The following CNTN5 variants were observed in gnomAD, a reference collection of about 807,000 sequenced individuals.
The protein encoded by CNTN5 is contactin-5.
In CNTN5, 77 loss-of-function variants were observed where a neutral mutation model predicts 129.1. That is an observed-to-expected ratio of 0.60 (90% CI 0.50 to 0.72). CNTN5 has a LOEUF of 0.72. CNTN5 is among the 30% of genes least tolerant of loss of function. The probability of loss-of-function intolerance (pLI) is 0.00; values close to 1 mark genes in which losing one functional copy is unlikely to be tolerated. For missense variants in CNTN5, 1,478 were observed against 1,328.8 expected (o/e 1.11, Z -1.75); for synonymous variants, 509 against 465.6 (o/e 1.09, Z -1.20).
chr11:100,343,300 T>C (rs1259230745), intron 23 of CNTN5, among the ~76,000 whole-genome samples: 2 of 152,218 alleles, frequency 1.3e-5, no homozygotes, highest in Middle Eastern at 3.2e-3. Flanking sequence ...ATGGTTGCAC[T>C]TCCTTATATC....
chr11:99,575,779 A>G (rs1382912055), intron 3 of CNTN5, among the ~76,000 whole-genome samples: 3 of 152,174 alleles, frequency 2.0e-5, no homozygotes, highest in Admixed American at 6.5e-5. Context: ...GCCACCAGAC[A>G]GGAGGAGGTG....
chr11:100,298,425 G>T (rs1951142682), intron 19 of CNTN5, among the ~76,000 whole-genome samples: 1 of 151,244 alleles, frequency 6.6e-6, no homozygotes, highest in Admixed American at 6.6e-5. Context: ...TTCCATGTAA[G>T]CTTTAATATA....
In CNTN5 at chr11:99,072,502, A is replaced by G. The variant is rs540206748; in HGVS notation, c.-210+51232A>G. Among the ~76,000 whole-genome samples, 4 of 152,228 alleles carry G rather than the reference A, an allele frequency of 2.6e-5. No homozygotes were observed. In the East Asian group the frequency reaches 7.7e-4, roughly 29 times the overall value. On this transcript the variant is annotated intron_variant, in intron 1 of 24. Coordinates refer to ENST00000524871, the MANE Select transcript of CNTN5 (RefSeq NM_014361.4). ...TGAAGGACATAATACATATTTGCAT[A>G]TAAAATCCCATTATGTTTAGTAGTT...
chr11:99,298,553 G>A (rs1864486695), intron 1 of CNTN5, among the ~76,000 whole-genome samples: 1 of 152,094 alleles, frequency 6.6e-6, no homozygotes, highest in South Asian at 2.1e-4. Context: ...CTCAAATATA[G>A]AAATACGGAA....
At chr11:99,699,759 C>A (rs1435758346) in intron 3 of CNTN5, among the ~76,000 whole-genome samples, 2 of 151,372 alleles carry the variant, frequency 1.3e-5, no homozygotes. Context: ...CACTCTAACC[C>A]CATAAAGAGC....
chr11:99,300,302 C>T lies in CNTN5; in HGVS notation c.-209-25044C>T, dbSNP rs191461634. Among the ~76,000 whole-genome samples the T allele has an allele frequency of 4.6e-5, 7 of 151,878 alleles. No individual in the cohort carries two copies. The East Asian group carries it at 1.4e-3, about 29-fold the overall frequency. Reference sequence around the variant, plus strand: ...TTTTGAAATACGTTTCTTCTCATGCCTTGTTTGTTGATAATTTTTATCATG... The same window carrying T: ...TTTTGAAATACGTTTCTTCTCATGCTTTGTTTGTTGATAATTTTTATCATG... On this transcript the variant is annotated intron_variant, in intron 1 of 24. Coordinates refer to ENST00000524871, the MANE Select transcript of CNTN5 (RefSeq NM_014361.4).
chr11:99,653,479 T>A (rs1952234722), intron 3 of CNTN5, among the ~76,000 whole-genome samples: 1 of 152,012 alleles, frequency 6.6e-6, no homozygotes, highest in Non-Finnish European at 1.5e-5. Flanking sequence ...TAAGTAGTTC[T>A]ATTTATTGAA....
chr11:100,058,581 C>T (rs761050716), intron 9 of CNTN5, among the ~76,000 whole-genome samples: 2 of 152,080 alleles, frequency 1.3e-5, no homozygotes, highest in Non-Finnish European at 2.9e-5. Context: ...CCTTTCTGGA[C>T]ATTGAATACA....
At chr11:99,032,514 C>A (rs1237178099) in intron 1 of CNTN5, among the ~76,000 whole-genome samples, 1 of 150,744 alleles carries the variant, frequency 6.6e-6, no homozygotes, top group South Asian at 2.1e-4. Flanking sequence ...TCTCTGATGG[C>A]CAGTGATGGT....
At chr11:99,884,741 T>C (rs768415233) in intron 6 of CNTN5, among the ~76,000 whole-genome samples, 56 of 151,068 alleles carry the variant, frequency 3.7e-4, no homozygotes, top group Non-Finnish European at 7.8e-4. Flanking sequence ...CTTTGGGAGG[T>C]TGAGGCAGGT....
At chr11:99,679,824 C>A (rs918341284) in intron 3 of CNTN5, among the ~76,000 whole-genome samples, 1 of 152,188 alleles carries the variant, frequency 6.6e-6, no homozygotes, top group African/African-American at 2.4e-5. Flanking sequence ...TTGCATCAAA[C>A]CTTAGCCAGG....
At chr11:100,279,544 T>C (rs977782441) in intron 18 of CNTN5, among the ~76,000 whole-genome samples, 3 of 151,908 alleles carry the variant, frequency 2.0e-5, no homozygotes, top group Non-Finnish European at 4.4e-5. Context: ...TCTTGATAGG[T>C]TGTATGTGTC....
intron 3 of CNTN5, among the ~76,000 whole-genome samples, chr11:99,737,131 GCACACACACACAAACACACA>G (rs1156734252): frequency 6.7e-6 from 1 of 149,744 alleles, no homozygotes; most frequent in African/African-American, 2.5e-5. Context: ...TAACACACAT[GCACACACACACAAACACACA>G]CACACACACA....
At position 99,350,603 on chromosome 11, in the gene CNTN5, A is replaced by G. The variant is rs1015883098; in HGVS notation, c.-71+25119A>G. 1.4e-3 allele frequency among the ~76,000 whole-genome samples: 209 copies of G among 152,320 alleles called. 4 individuals carry two copies. Among genetic ancestry groups the G allele is most frequent in the Non-Finnish European group, 1.2e-4 (8 of 68,030 alleles). On this transcript the variant is annotated intron_variant, in intron 2 of 24. Coordinates refer to ENST00000524871, the MANE Select transcript of CNTN5 (RefSeq NM_014361.4). ...GGATAAACAAATTGTGATATACACA[A>G]AAGAATACTACTAAGCGGTAAGAAG...
At chr11:99,437,323 A>T (rs779526271) in intron 2 of CNTN5, among the ~76,000 whole-genome samples, 5 of 152,148 alleles carry the variant, frequency 3.3e-5, no homozygotes, top group Non-Finnish European at 7.4e-5. Context: ...TTATGTTTCT[A>T]AGATGCTCCT....
chr11:99,214,006 G>A (rs1026500024), intron 1 of CNTN5, among the ~76,000 whole-genome samples: 6 of 151,988 alleles, frequency 3.9e-5, no homozygotes, highest in African/African-American at 1.4e-4. Context: ...CTTGATATTA[G>A]CAATTGCGAG....
Position 99,325,248 on chromosome 11 carries a change from T to C in CNTN5, c.-209-98T>C, listed in dbSNP as rs2136008184. The C allele has an allele frequency of 1.3e-5, 2 of 152,166 alleles. 1 individual carries two copies. The highest frequency in any genetic ancestry group is 3.9e-4 in the East Asian group (2 of 5,180). The allele number at this position is 152,166 out of a possible 1,614,324, so 9.4% of individuals were successfully genotyped here. A position where few individuals can be genotyped will look rare whatever the true frequency, so the allele number is the denominator to read the frequency against. ...ATTGTATGTATAACTAAATAGAACA[T>C]TGATCTAAAATATTTAATAAGATGC... On this transcript the variant is annotated intron_variant, in intron 1 of 24. Coordinates refer to ENST00000524871, the MANE Select transcript of CNTN5 (RefSeq NM_014361.4).
chr11:99,733,398 A>G (rs982678366), intron 3 of CNTN5, among the ~76,000 whole-genome samples: 1 of 121,816 alleles, frequency 8.2e-6, no homozygotes, highest in Non-Finnish European at 1.7e-5. Flanking sequence ...CTCATTGCTC[A>G]TGATGTTTTC....
rs531845768 is a variant in CNTN5, at chr11:99,796,887, G to A, written c.56-22657G>A. Among the ~76,000 whole-genome samples, 7 of 152,116 alleles carry A rather than the reference G, an allele frequency of 4.6e-5. No individual in the cohort carries two copies. The South Asian group carries it at 1.2e-3, about 27-fold the overall frequency. ...CTCCCTGACAACTCAAGTGTCTCTG[G>A]AGGTCGTGTGGTCTTCTGCTGCCAG... On this transcript the variant is annotated intron_variant, in intron 3 of 24. Transcript: ENST00000524871.
Sources: allele counts gnomAD v4.1 joint callset (sites outside exome capture counted in the v4.1 genomes callset), GRCh38; gene constraint gnomAD v4.1.1; transcripts MANE v1.5; gene names NCBI Gene and HGNC (gene_info 2026-07-23, HGNC 2026-07-21).